Variants in MTUS2 observed in about 807,000 individuals in gnomAD.
MTUS2 encodes microtubule associated scaffold protein 2, also known as microtubule-associated tumor suppressor candidate 2.
A neutral mutation model predicts 114.1 loss-of-function variants in MTUS2; 40 were observed. The observed-to-expected ratio is 0.35, with a 90% CI of 0.27 to 0.46. The LOEUF is 0.46. MTUS2 is among the 20% of genes least tolerant of loss of function. The pLI is 1.00. For missense variants in MTUS2, 1,679 were observed against 1,705.4 expected (o/e 0.98, Z 0.27); for synonymous variants, 688 against 672.0 (o/e 1.02, Z -0.37).
At chr13:29,124,008 C>T (rs1055248201) in intron 5 of MTUS2, among the ~76,000 whole-genome samples, 10 of 152,192 alleles carry the variant, frequency 6.6e-5, no homozygotes, top group African/African-American at 2.2e-4. Flanking sequence ...CATCCTTTTA[C>T]AGAAATGACA....
In MTUS2 at chr13:29,150,428, T is replaced by A. The variant is rs541725939; in HGVS notation, c.2644+49458T>A. On this transcript the variant is annotated intron_variant, in intron 5 of 15. Coordinates refer to ENST00000612955, the MANE Select transcript of MTUS2 (RefSeq NM_001033602.4). Reference sequence around the variant, plus strand: ...GTCTTTCACTTAAGTTCCTTATGGATTCTGGACATTCGACCTTTGTCAGAT... The same window carrying A: ...GTCTTTCACTTAAGTTCCTTATGGAATCTGGACATTCGACCTTTGTCAGAT... 1.1e-3 allele frequency among the ~76,000 whole-genome samples: 171 copies of A among 152,330 alleles called. 1 individual carries two copies. The highest frequency in any genetic ancestry group is 4.0e-3 in the African/African-American group (168 of 41,584).
intron 4 of MTUS2, among the ~76,000 whole-genome samples, chr13:29,084,526 T>TCCC (rs1356903723): frequency 6.8e-5 from 3 of 44,056 alleles, no homozygotes; most frequent in Non-Finnish European, 1.0e-4. Context: ...TCCCCTCCCC[T>TCCC]CTCCCCCCCT....
intron 5 of MTUS2, among the ~76,000 whole-genome samples, chr13:29,179,129 T>G (rs1473453646): frequency 6.6e-6 from 1 of 152,094 alleles, no homozygotes; most frequent in East Asian, 1.9e-4. Flanking sequence ...AAGCCAAAGC[T>G]CAGAATATAG....
At chr13:29,117,820 G>A (rs1477336704) in intron 5 of MTUS2, among the ~76,000 whole-genome samples, 2 of 152,116 alleles carry the variant, frequency 1.3e-5, no homozygotes, top group Non-Finnish European at 2.9e-5. Context: ...ACCACACTTC[G>A]GGCCCTGTCA....
rs59353230 is a variant in MTUS2 at position 29,232,312 on chromosome 13, A to G, written c.2645-49392A>G. 5.6e-3 allele frequency among the ~76,000 whole-genome samples: 839 copies of G among 148,542 alleles called. 9 individuals carry two copies. Among genetic ancestry groups the G allele is most frequent in the East Asian group, 0.03 (150 of 5,034 alleles). On this transcript the variant is annotated intron_variant, in intron 5 of 15. Coordinates refer to ENST00000612955, the MANE Select transcript of MTUS2 (RefSeq NM_001033602.4). ...CACACACACACGCGCGCGCGCACAC[A>G]CACACACACACGCACACATACACAT...
intron 3 of MTUS2, 27 bp downstream of exon 3, chr13:29,026,930 C>G (rs1293730909): frequency 1.3e-6 from 2 of 1,534,216 alleles, no homozygotes; most frequent in East Asian, 2.3e-5. Context: ...ATGATATGGT[C>G]TATAAGTTGA....
intron 6 of MTUS2, among the ~76,000 whole-genome samples, chr13:29,282,616 A>G (rs1041863612): frequency 3.9e-5 from 6 of 152,114 alleles, no homozygotes; most frequent in Non-Finnish European, 8.8e-5. Flanking sequence ...TTCTTTTTCT[A>G]CATTATAGAA....
chr13:29,163,464 T>C (rs1893185023), intron 5 of MTUS2, among the ~76,000 whole-genome samples: 1 of 152,208 alleles, frequency 6.6e-6, no homozygotes, highest in African/African-American at 2.4e-5. Flanking sequence ...GACAAGTGTC[T>C]GTAGGAACAC....
intron 5 of MTUS2, among the ~76,000 whole-genome samples, chr13:29,246,098 T>C (rs1028634656): frequency 6.6e-6 from 1 of 152,220 alleles, no homozygotes; most frequent in Non-Finnish European, 1.5e-5. Context: ...AAATATGTAT[T>C]TAAGTCTTTA....
rs574839390 is a variant in MTUS2, at chr13:29,387,205, G to A, written c.3117+27732G>A. Among the ~76,000 whole-genome samples, 9 of 152,316 alleles carry A rather than the reference G, an allele frequency of 5.9e-5. No homozygotes were observed. The East Asian group carries it at 1.7e-3, about 29-fold the overall frequency. The stretch of plus-strand genomic sequence containing the variant: ...GAGAGAGGCCCACTGCACAGTGGCT[G>A]CACATGGAAGGCAGAGCTGACCTTG... On this transcript the variant is annotated intron_variant, in intron 8 of 15. Coordinates refer to ENST00000612955, the MANE Select transcript of MTUS2 (RefSeq NM_001033602.4).
At chr13:29,133,007 C>T (rs1024831150) in intron 5 of MTUS2, among the ~76,000 whole-genome samples, 3 of 151,172 alleles carry the variant, frequency 2.0e-5, no homozygotes, top group Non-Finnish European at 4.4e-5. Context: ...TCTCCACATT[C>T]TTGACAACAC....
chr13:29,266,178 G>A (rs1246874240), intron 5 of MTUS2, among the ~76,000 whole-genome samples: 1 of 152,126 alleles, frequency 6.6e-6, no homozygotes, highest in Non-Finnish European at 1.5e-5. Flanking sequence ...GTGCTGATAT[G>A]TTCCAGGCAA....
chr13:29,250,728 C>T (rs1897094733), intron 5 of MTUS2, among the ~76,000 whole-genome samples: 1 of 152,084 alleles, frequency 6.6e-6, no homozygotes, highest in African/African-American at 2.4e-5. Context: ...TTAGTGTTGT[C>T]ACATCTAGTC....
chr13:29,068,816 T>C (rs946354829), intron 4 of MTUS2, among the ~76,000 whole-genome samples: 1 of 152,140 alleles, frequency 6.6e-6, no homozygotes, highest in South Asian at 2.1e-4. Flanking sequence ...GAAAAGGGAC[T>C]GGAGAAGATT....
chr13:29,165,479 C>A (rs1893279243), intron 5 of MTUS2, among the ~76,000 whole-genome samples: 1 of 152,170 alleles, frequency 6.6e-6, no homozygotes, highest in Non-Finnish European at 1.5e-5. Flanking sequence ...GGGACTTAAG[C>A]CCAGTTTTGC....
intron 4 of MTUS2, among the ~76,000 whole-genome samples, chr13:29,035,271 G>A (rs1887010479): frequency 6.6e-6 from 1 of 152,200 alleles, no homozygotes; most frequent in Non-Finnish European, 1.5e-5. Flanking sequence ...TGGACACCCA[G>A]CAAAACTAGT....
intron 8 of MTUS2, among the ~76,000 whole-genome samples, chr13:29,362,778 A>G (rs149408360): frequency 3.3e-5 from 5 of 152,340 alleles, no homozygotes; most frequent in Admixed American, 3.3e-4. Flanking sequence ...TGCTGATGCC[A>G]TTAATTTAAA....
At chr13:29,301,123 C>A (rs1434669275) in intron 6 of MTUS2, among the ~76,000 whole-genome samples, 2 of 152,230 alleles carry the variant, frequency 1.3e-5, no homozygotes, top group Non-Finnish European at 2.9e-5. Flanking sequence ...ACCAGCCTAG[C>A]TGATGTGAGG....
Position 28,903,460 on chromosome 13 carries a change from G to T in MTUS2, c.-243+63610G>T, listed in dbSNP as rs373797956. 1.3e-3 allele frequency among the ~76,000 whole-genome samples: 163 copies of T among 128,828 alleles called. No homozygotes were observed. The East Asian group carries it at 0.031, about 24-fold the overall frequency. The allele number at this position is 128,828 out of a possible 152,430, so 84.5% of individuals were successfully genotyped here. On this transcript the variant is annotated intron_variant, in intron 2 of 15. Coordinates refer to ENST00000612955, the MANE Select transcript of MTUS2 (RefSeq NM_001033602.4). ...CCTGGTGTGTGATGTTCCCCTTCCT[G>T]TGTCCATGTGTTCTCATTGTTCAAT...
Sources: gnomAD v4.1 joint callset for allele counts (sites outside exome capture counted in the v4.1 genomes callset) on GRCh38, gnomAD v4.1.1 for gene constraint, MANE v1.5 for transcripts, NCBI Gene and HGNC (gene_info 2026-07-23, HGNC 2026-07-21) for gene names.